The following THSD7A variants were observed in gnomAD, a reference collection of about 807,000 sequenced individuals.
The protein encoded by THSD7A is thrombospondin type-1 domain-containing protein 7A.
In THSD7A, 96 loss-of-function variants were observed where a neutral mutation model predicts 231.3. That is an observed-to-expected ratio of 0.41 (90% confidence interval 0.35 to 0.49). The LOEUF (loss-of-function observed/expected upper bound fraction) is 0.49. Among genes scored for constraint, THSD7A ranks in the 20% least tolerant of loss-of-function variants. THSD7A has a pLI of 0.05. For missense variants in THSD7A, 2,290 were observed against 2,070.2 expected (o/e 1.11, Z -2.06); for synonymous variants, 940 against 743.3 (o/e 1.26, Z -4.30).
At chr7:11,588,239 C>T (rs540795721) in intron 4 of THSD7A, among the ~76,000 whole-genome samples, 1 of 152,122 alleles carries the variant, frequency 6.6e-6, no homozygotes, top group East Asian at 1.9e-4. Context: ...CGCATGTCAC[C>T]CCTGGGATGC....
At chr7:11,777,946 G>GT (rs1783475608) in intron 1 of THSD7A, among the ~76,000 whole-genome samples, 1 of 150,084 alleles carries the variant, frequency 6.7e-6, no homozygotes, top group South Asian at 2.1e-4. Flanking sequence ...TCAAGAGATC[G>GT]AGACCATCCC....
chr7:11,790,345 T>C (rs1361393827), intron 1 of THSD7A, among the ~76,000 whole-genome samples: 1 of 151,890 alleles, frequency 6.6e-6, no homozygotes, highest in African/African-American at 2.4e-5. Context: ...TTGTGCAAAA[T>C]GAATATGAGC....
intron 1 of THSD7A, among the ~76,000 whole-genome samples, chr7:11,750,173 G>C (rs886595733): frequency 6.6e-6 from 1 of 151,780 alleles, no homozygotes; most frequent in South Asian, 2.1e-4. Flanking sequence ...ATAATATTTC[G>C]ATGAGACAAG....
At chr7:11,748,009 A>T (rs1583253378) in intron 1 of THSD7A, among the ~76,000 whole-genome samples, 1 of 152,068 alleles carries the variant, frequency 6.6e-6, no homozygotes, top group African/African-American at 2.4e-5. Context: ...GAAAGTGTTT[A>T]TGCCACGTTG....
At chr7:11,510,541 C>A (rs1392776562) in intron 6 of THSD7A, among the ~76,000 whole-genome samples, 1 of 152,130 alleles carries the variant, frequency 6.6e-6, no homozygotes, top group Non-Finnish European at 1.5e-5. Flanking sequence ...TACTGGCAAA[C>A]CGAATCCAGC....
intron 6 of THSD7A, among the ~76,000 whole-genome samples, chr7:11,500,841 C>T (rs999637371): frequency 6.6e-6 from 1 of 151,028 alleles, no homozygotes; most frequent in Non-Finnish European, 1.5e-5. Flanking sequence ...GAGGCTGAGG[C>T]AGAGAATTGC....
At chr7:11,671,891 A>G (rs1783409898) in intron 1 of THSD7A, among the ~76,000 whole-genome samples, 1 of 152,116 alleles carries the variant, frequency 6.6e-6, no homozygotes, top group South Asian at 2.1e-4. Flanking sequence ...GTTTATAATA[A>G]ATAATGCATT....
chr7:11,470,264 C>A (rs1022790210), intron 8 of THSD7A, among the ~76,000 whole-genome samples: 6 of 151,988 alleles, frequency 3.9e-5, no homozygotes, highest in Non-Finnish European at 8.8e-5. Context: ...ACACTTATAC[C>A]TTATCCTCTT....
At chr7:11,723,286 T>A (rs867877206) in intron 1 of THSD7A, among the ~76,000 whole-genome samples, 1 of 122,154 alleles carries the variant, frequency 8.2e-6, no homozygotes, top group African/African-American at 3.2e-5. Flanking sequence ...GAGAACACAT[T>A]GACACAGGAA....
At chr7:11,503,684 T>A (rs927733262) in intron 6 of THSD7A, among the ~76,000 whole-genome samples, 40 of 152,134 alleles carry the variant, frequency 2.6e-4, no homozygotes, top group Non-Finnish European at 8.8e-5. Context: ...AAGACATACA[T>A]GTGTCCAACA....
At position 11,520,988 on chromosome 7, in the gene THSD7A, G is replaced by A. The variant is rs543098818; in HGVS notation, c.1822+20431C>T. ...GAAAGGTCTTATAGGAAATCAGAAC[G>A]CTGACTGTGCTATTCAAAAAATGCA... is the stretch of plus-strand genomic sequence containing the variant. On this transcript the variant is annotated intron_variant, in intron 6 of 27. Coordinates refer to ENST00000423059, the MANE Select transcript of THSD7A (RefSeq NM_015204.3). Among the ~76,000 whole-genome samples, 4 of 152,248 alleles carry A rather than the reference G, an allele frequency of 2.6e-5. No individual in the cohort carries two copies. In the East Asian group the frequency reaches 5.8e-4, roughly 22 times the overall value.
intron 1 of THSD7A, among the ~76,000 whole-genome samples, chr7:11,761,661 C>T (rs1162445001): frequency 6.6e-6 from 1 of 152,124 alleles, no homozygotes; most frequent in Non-Finnish European, 1.5e-5. Flanking sequence ...AAGTGACTTG[C>T]AAATGTCAAT....
In THSD7A at chr7:11,723,483, AT is replaced by A. The variant is rs1781433427; in HGVS notation, c.191-86523del. Among the ~76,000 whole-genome samples, 2 of 152,106 alleles carry A rather than the reference AT, an allele frequency of 1.3e-5. 1 individual carries two copies. The highest frequency in any genetic ancestry group is 4.8e-5 in the African/African-American group (2 of 41,546). On this transcript the variant is annotated intron_variant, in intron 1 of 27. Coordinates refer to ENST00000423059, the MANE Select transcript of THSD7A (RefSeq NM_015204.3). The stretch of plus-strand genomic sequence containing the variant: ...TAAAACTTAAAGTATAATAAAAAAA[AT>A]AAAAAAATAAACTGGATGCATAAAT...
intron 1 of THSD7A, among the ~76,000 whole-genome samples, chr7:11,773,444 TGC>T (rs1783301177): frequency 6.6e-6 from 1 of 151,920 alleles, no homozygotes; most frequent in Non-Finnish European, 1.5e-5. Flanking sequence ...GCAGGAGAAT[TGC>T]TTGAACCCGG....
At chr7:11,641,746 CTAAAA>C (rs199724403) in intron 1 of THSD7A, among the ~76,000 whole-genome samples, 2 of 149,004 alleles carry the variant, frequency 1.3e-5, no homozygotes, top group South Asian at 2.1e-4. Flanking sequence ...ATGATTGAAC[CTAAAA>C]TAAAATAAAA....
intron 6 of THSD7A, among the ~76,000 whole-genome samples, chr7:11,533,052 A>G (rs1177575616): frequency 6.6e-6 from 1 of 152,152 alleles, no homozygotes; most frequent in Non-Finnish European, 1.5e-5. Flanking sequence ...AGCCCAAAAT[A>G]AAAAGAAGGT....
At chr7:11,603,358 C>T (rs1780617846) in intron 2 of THSD7A, among the ~76,000 whole-genome samples, 1 of 151,814 alleles carries the variant, frequency 6.6e-6, no homozygotes, top group Non-Finnish European at 1.5e-5. Context: ...GAATGGCAAT[C>T]ATTAAAAAGT....
intron 4 of THSD7A, among the ~76,000 whole-genome samples, chr7:11,563,537 T>G (rs951932343): frequency 6.6e-6 from 1 of 151,932 alleles, no homozygotes; most frequent in Non-Finnish European, 1.5e-5. Context: ...TTTTTGTATT[T>G]TTTTAGTAGA....
intron 1 of THSD7A, among the ~76,000 whole-genome samples, chr7:11,730,842 C>A (rs922456000): frequency 6.6e-6 from 1 of 151,532 alleles, no homozygotes; most frequent in Non-Finnish European, 1.5e-5. Flanking sequence ...TCAGATTTAT[C>A]TTGTAACCCA....
Sources: gnomAD v4.1 joint callset for allele counts (sites outside exome capture counted in the v4.1 genomes callset) on GRCh38, gnomAD v4.1.1 for gene constraint, MANE v1.5 for transcripts, NCBI Gene and HGNC (gene_info 2026-07-23, HGNC 2026-07-21) for gene names.